Variants in KIF26B observed in about 807,000 individuals in gnomAD.
KIF26B encodes kinesin family member 26B, also known as kinesin-like protein KIF26B.
Under a neutral mutation model 151.2 loss-of-function variants are expected in KIF26B, and 63 were observed. The ratio of observed to expected loss-of-function variants is 0.42; its 90% confidence interval spans 0.34 to 0.51. The LOEUF is 0.51. Among genes scored for constraint, KIF26B ranks in the 20% least tolerant of loss-of-function variants. The pLI, the probability that KIF26B is intolerant of heterozygous loss-of-function variation, is 0.07. For missense variants in KIF26B, 2,813 were observed against 2,913.6 expected (o/e 0.97, Z 0.79); for synonymous variants, 1,357 against 1,262.1 (o/e 1.08, Z -1.59).
intron 2 of KIF26B, among the ~76,000 whole-genome samples, chr1:245,333,221 G>A (rs1022269510): frequency 1.3e-5 from 2 of 152,192 alleles, no homozygotes; most frequent in Non-Finnish European, 2.9e-5. Flanking sequence ...ATGGATAAAC[G>A]AGATGTGGTC....
chr1:245,461,529 G>A (rs183633286), intron 4 of KIF26B, among the ~76,000 whole-genome samples: 57 of 152,242 alleles, frequency 3.7e-4, no homozygotes, highest in African/African-American at 1.3e-3. Flanking sequence ...TGACAGCAGG[G>A]CAGGGTCGTT....
chr1:245,184,053 T>G lies in KIF26B; in HGVS notation c.465+27370T>G, dbSNP rs74153112. On this transcript the variant is annotated intron_variant, in intron 2 of 14. Coordinates refer to ENST00000407071, the MANE Select transcript of KIF26B (RefSeq NM_018012.4). ...ACAGGTATGGGTGGGAGTTGTTGTT[T>G]TTTTTTTTTTTTTTTTGAGCTTTCT... is the stretch of plus-strand genomic sequence containing the variant. 4.0e-4 allele frequency among the ~76,000 whole-genome samples: 31 copies of G among 78,338 alleles called. 1 individual carries two copies. Among genetic ancestry groups the G allele is most frequent in the African/African-American group, 1.9e-3 (26 of 13,840 alleles). 51.4% of individuals were successfully genotyped at this position (78,338 alleles called of 152,430 possible). A position where few individuals can be genotyped will look rare whatever the true frequency, so the allele number is the denominator to read the frequency against.
chr1:245,679,967 C>T (rs1414359773), intron 10 of KIF26B, among the ~76,000 whole-genome samples: 3 of 152,160 alleles, frequency 2.0e-5, no homozygotes, highest in Non-Finnish European at 4.4e-5. Flanking sequence ...CCAGGCACCA[C>T]CTCCCTCCAT....
At chr1:245,411,310 G>T (rs112036890) in intron 3 of KIF26B, among the ~76,000 whole-genome samples, 105 of 152,278 alleles carry the variant, frequency 6.9e-4, no homozygotes, top group Non-Finnish European at 1.3e-3. Context: ...CAACAAGTTT[G>T]CCTGATACCT....
At chr1:245,180,706 A>G (rs1488842141) in intron 2 of KIF26B, among the ~76,000 whole-genome samples, 1 of 149,422 alleles carries the variant, frequency 6.7e-6, no homozygotes, top group African/African-American at 2.4e-5. Flanking sequence ...AGTGGTCACC[A>G]TGGAAATGGT....
rs1467570552 is a variant in KIF26B at position 245,597,280 on chromosome 1, T to G, written c.1351-5297T>G. ...AGTGGGCTGGTACCAGTTGATCCTT[T>G]CCATGTTTAGTGCTTCCTTCAGGAG... On this transcript the variant is annotated intron_variant, in intron 5 of 14. Coordinates refer to ENST00000407071, the MANE Select transcript of KIF26B (RefSeq NM_018012.4). The surrounding 1 kb of genome is among the most constrained non-coding windows in gnomAD (Gnocchi z 4.6). 6.6e-6 allele frequency among the ~76,000 whole-genome samples: 1 copy of G among 152,228 alleles called. No homozygotes were observed.
At chr1:245,296,578 A>G (rs1385862766) in intron 2 of KIF26B, among the ~76,000 whole-genome samples, 1 of 152,232 alleles carries the variant, frequency 6.6e-6, no homozygotes, top group Non-Finnish European at 1.5e-5. Flanking sequence ...TGCGGGATTC[A>G]GACTCCAGAT....
chr1:245,512,537 T>C lies in KIF26B; in HGVS notation c.1167-28230T>C, dbSNP rs1486313794. Among the ~76,000 whole-genome samples, 1 of 152,134 alleles carries C rather than the reference T, an allele frequency of 6.6e-6. No individual in the cohort carries two copies. On this transcript the variant is annotated intron_variant, in intron 4 of 14. Transcript: ENST00000407071. The surrounding 1 kb of genome is among the most constrained non-coding windows in gnomAD (Gnocchi z 4.3). ...TTCCTAACAACTTTATTAATTGGGG[T>C]TTAACATCATCAAGGGCTGTAGCAC...
chr1:245,593,891 G>T (rs1456139700), intron 5 of KIF26B, among the ~76,000 whole-genome samples: 2 of 152,196 alleles, frequency 1.3e-5, no homozygotes, highest in African/African-American at 4.8e-5. Flanking sequence ...GTATCTCATT[G>T]TGGTGTTGCT....
chr1:245,679,409 A>G (rs2044398576), intron 10 of KIF26B, among the ~76,000 whole-genome samples: 1 of 151,004 alleles, frequency 6.6e-6, no homozygotes. Flanking sequence ...GATTTTAAAA[A>G]GACATTTTTC....
intron 2 of KIF26B, among the ~76,000 whole-genome samples, chr1:245,258,091 C>G (rs1210900927): frequency 6.6e-6 from 1 of 152,228 alleles, no homozygotes; most frequent in Non-Finnish European, 1.5e-5. Flanking sequence ...GAGAGCAGCC[C>G]AGGCCTGGGG....
At chr1:245,502,507 C>T (rs1473242930) in intron 4 of KIF26B, among the ~76,000 whole-genome samples, 2 of 123,824 alleles carry the variant, frequency 1.6e-5, no homozygotes, top group Non-Finnish European at 3.2e-5. Context: ...AACCTGGCAA[C>T]AGAGCGAGCA....
At chr1:245,247,331 A>G (rs1483868462) in intron 2 of KIF26B, among the ~76,000 whole-genome samples, 1 of 151,288 alleles carries the variant, frequency 6.6e-6, no homozygotes, top group African/African-American at 2.4e-5. Context: ...GGTGGTGCTC[A>G]CCTATAATCC....
chr1:245,168,512 A>G (rs1668652308), intron 2 of KIF26B, among the ~76,000 whole-genome samples: 1 of 152,230 alleles, frequency 6.6e-6, no homozygotes, highest in South Asian at 2.1e-4. Flanking sequence ...GAAGAAAAGT[A>G]TTGCCTTAGA....
chr1:245,596,911 CTT>C (rs199757449), intron 5 of KIF26B, among the ~76,000 whole-genome samples: 1,645 of 152,064 alleles, frequency 0.011, 32 homozygotes, highest in African/African-American at 0.038. Context: ...TTTTTTTAAT[CTT>C]TGTTGGTTTA....
chr1:245,265,326 C>T (rs1370965024), intron 2 of KIF26B, among the ~76,000 whole-genome samples: 1 of 151,602 alleles, frequency 6.6e-6, no homozygotes, highest in Non-Finnish European at 1.5e-5. Context: ...AAATAGATAG[C>T]TAGAAATAGA....
At chr1:245,701,643 A>ATTC (rs1157856833) in intron 14 of KIF26B, among the ~76,000 whole-genome samples, 1 of 152,092 alleles carries the variant, frequency 6.6e-6, no homozygotes, top group African/African-American at 2.4e-5. Context: ...ATCTCATTTT[A>ATTC]TTCTTCACAG....
Position 245,698,437 on chromosome 1 carries a change from T to A in KIF26B, c.6027+129T>A. The A allele has an allele frequency of 1.2e-6, 1 of 802,154 alleles. No homozygotes were observed. Among genetic ancestry groups the A allele is most frequent in the Non-Finnish European group, 2.0e-6 (1 of 512,524 alleles). 49.7% of individuals were successfully genotyped at this position (802,154 alleles called of 1,614,324 possible). ...CTTCCCAGCGGGCTTCTGGCATGGGTGGTGGGAAGGGGGCTTCTGTCCCAG... is the reference window on the plus strand; with the variant it reads ...CTTCCCAGCGGGCTTCTGGCATGGGAGGTGGGAAGGGGGCTTCTGTCCCAG... On this transcript the variant is annotated intron_variant, in intron 13 of 14. Transcript: ENST00000407071. The surrounding 1 kb of genome is among the most constrained non-coding windows in gnomAD (Gnocchi z 4.0).
chr1:245,390,177 T>TTTG (rs766693852), intron 3 of KIF26B, among the ~76,000 whole-genome samples: 7 of 113,822 alleles, frequency 6.1e-5, no homozygotes, highest in African/African-American at 8.9e-5. Context: ...TTTGGAGGGT[T>TTTG]TTTTTTTTTT....
Sources: allele counts gnomAD v4.1 joint callset (sites outside exome capture counted in the v4.1 genomes callset), GRCh38; gene constraint gnomAD v4.1.1; non-coding constraint Gnocchi (gnomAD v3.1); transcripts MANE v1.5; gene names NCBI Gene and HGNC (gene_info 2026-07-23, HGNC 2026-07-21).